PSMB2: variants seen among roughly 807,000 people sequenced by gnomAD.
PSMB2 encodes the protein proteasome subunit beta type-2.
In PSMB2, 13 loss-of-function variants were observed where a neutral mutation model predicts 25.7. The observed-to-expected ratio is 0.51, with a 90% confidence interval of 0.33 to 0.80. The LOEUF (loss-of-function observed/expected upper bound fraction) is 0.80, where lower values mean the gene tolerates loss of function less well. Ranked by LOEUF, PSMB2 falls within the 30% of genes least tolerant of loss-of-function variation. The pLI, the probability that PSMB2 is intolerant of heterozygous loss-of-function variation, is 0.02. For synonymous variants in PSMB2, 87 were observed against 96.2 expected, an observed-to-expected ratio of 0.90 and a Z score of 0.56; for missense variants, 202 against 259.0, an observed-to-expected ratio of 0.78 and a Z score of 1.51.
chr1:35,617,575 T>C (rs568847272), intron 3 of PSMB2, among the ~76,000 whole-genome samples: 25 of 152,340 alleles, frequency 1.6e-4, no homozygotes, highest in African/African-American at 6.0e-4. Context: ...AATGTTTATT[T>C]AGCATTTATT....
chr1:35,620,530 T>C (rs1650649809), intron 3 of PSMB2, among the ~76,000 whole-genome samples: 1 of 151,792 alleles, frequency 6.6e-6, no homozygotes, highest in Non-Finnish European at 1.5e-5. Flanking sequence ...AGAGACAGAG[T>C]CTCGCTCTGT....
At chr1:35,624,943 C>A (rs1282326388) in intron 3 of PSMB2, among the ~76,000 whole-genome samples, 1 of 152,038 alleles carries the variant, frequency 6.6e-6, no homozygotes, top group Non-Finnish European at 1.5e-5. Context: ...CGCCTGTAGT[C>A]CCAGCTATTC....
At chr1:35,609,474 A>G in intron 3 of PSMB2, 66 bp from the exon 4 acceptor site, 1 of 1,302,718 alleles carries the variant, frequency 7.7e-7, no homozygotes, top group African/African-American at 1.5e-5. Flanking sequence ...CCCATGGCAA[A>G]TGAGAATATT....
chr1:35,604,118 C>T (rs367796748), intron 5 of PSMB2, among the ~76,000 whole-genome samples: 2 of 151,890 alleles, frequency 1.3e-5, no homozygotes, highest in Admixed American at 6.6e-5. Flanking sequence ...TTACTCCCAA[C>T]GCTCCTGCTC....
Position 35,599,628 on chromosome 1 carries a change from T to C in PSMB2, c.*3639A>G. 1 of 984,216 alleles carries C rather than the reference T, an allele frequency of 1.0e-6. No homozygotes were observed. The highest frequency in any genetic ancestry group is 1.7e-5 in the African/African-American group (1 of 57,332). The allele number at this position is 984,216 out of a possible 1,614,324, so 61.0% of individuals were successfully genotyped here. ...GGAGAGGATTATGGAATGCCTAGCA[T>C]GTCAAATCAAAGAATTGGGCTTTAT... On this transcript the variant is annotated 3_prime_UTR_variant, in exon 6 of 6. Coordinates refer to ENST00000373237, the MANE Select transcript of PSMB2 (RefSeq NM_002794.5).
In PSMB2 at chr1:35,609,304, T is replaced by A; in HGVS notation, c.390A>T (p.Ala130=). The change falls in exon 4 of 6, where the codon GCA becomes GCT. Residue 130 remains alanine (A), a synonymous_variant. Transcript: ENST00000373237. ...TCAGGAAGGCACCATAGCCGTGGGC[T>A]GCAAAAGGGGCCTTGGCCAAGGCTG... The part of the protein sequence containing the change: ...YLAALAKAPF[A]AHGYGAFLTL... 6.2e-7 allele frequency: 1 copy of A among 1,613,458 alleles called. No homozygotes were observed. The highest frequency in any genetic ancestry group is 8.5e-7 in the Non-Finnish European group (1 of 1,179,686).
intron 1 of PSMB2, among the ~76,000 whole-genome samples, chr1:35,638,745 C>T (rs191722450): frequency 3.9e-5 from 6 of 152,256 alleles, no homozygotes; most frequent in Admixed American, 2.0e-4. Flanking sequence ...GGCATATAAG[C>T]AAACCAAAAG....
intron 5 of PSMB2, among the ~76,000 whole-genome samples, chr1:35,604,027 TAAA>T (rs113950978): frequency 1.2e-5 from 1 of 80,564 alleles, no homozygotes; most frequent in Non-Finnish European, 2.5e-5. Context: ...ATCCATCTCT[TAAA>T]AAAAAAAAAA....
chr1:35,599,542 T>C lies in PSMB2; in HGVS notation c.*3725A>G. 1 of 981,802 alleles carries C rather than the reference T, an allele frequency of 1.0e-6. No individual in the cohort carries two copies. The highest frequency in any genetic ancestry group is 1.2e-6 in the Non-Finnish European group (1 of 826,670). 60.8% of individuals were successfully genotyped at this position (981,802 alleles called of 1,614,324 possible). A position where few individuals can be genotyped will look rare whatever the true frequency, so the allele number is the denominator to read the frequency against. On this transcript the variant is annotated 3_prime_UTR_variant, in exon 6 of 6. Coordinates refer to ENST00000373237, the MANE Select transcript of PSMB2 (RefSeq NM_002794.5). Reference sequence around the variant, plus strand: ...GAGTGAATGACGAGGCCATGTAAATTTAGTTGGAACACAGGCTTTATGAGG... The same window carrying C: ...GAGTGAATGACGAGGCCATGTAAATCTAGTTGGAACACAGGCTTTATGAGG...
Position 35,603,300 on chromosome 1 carries a change from C to T in PSMB2, c.573G>A (p.Leu191=). 6.2e-7 allele frequency: 1 copy of T among 1,614,076 alleles called. No homozygotes were observed. Among genetic ancestry groups the T allele is most frequent in the Non-Finnish European group, 8.5e-7 (1 of 1,179,978 alleles). Residue 191 remains leucine, a synonymous_variant, in exon 6 of 6, where the codon CTG becomes CTA. Coordinates refer to ENST00000373237, the MANE Select transcript of PSMB2 (RefSeq NM_002794.5). ...CCTGTTTGGGGAAGGAAATGTTATC[C>T]AGGTCATGGATGCCATTTTTGTCAA... is the stretch of plus-strand genomic sequence containing the variant. ...RIIDKNGIHD[L]DNISFPKQGS
chr1:35,605,683 G>C (rs773260539), intron 4 of PSMB2, among the ~76,000 whole-genome samples: 59 of 152,172 alleles, frequency 3.9e-4, no homozygotes, highest in Admixed American at 1.2e-3. Flanking sequence ...GGAAAGAGAC[G>C]ATGGGGTCAG....
At position 35,601,974 on chromosome 1, in the gene PSMB2, A is replaced by G; in HGVS notation, c.*1293T>C. 2 of 879,998 alleles carry G rather than the reference A, an allele frequency of 2.3e-6. No individual in the cohort carries two copies. Among genetic ancestry groups the G allele is most frequent in the Non-Finnish European group, 2.7e-6 (2 of 733,984 alleles). 54.5% of individuals were successfully genotyped at this position (879,998 alleles called of 1,614,324 possible). A position where few individuals can be genotyped will look rare whatever the true frequency, so the allele number is the denominator to read the frequency against. ...ACTGTCAACAAGAATAAGCATATCT[A>G]TATGTATTGATATAAAACAATCTCT... On this transcript the variant is annotated 3_prime_UTR_variant, in exon 6 of 6. Coordinates refer to ENST00000373237, the MANE Select transcript of PSMB2 (RefSeq NM_002794.5).
At chr1:35,611,684 C>T (rs996180756) in intron 3 of PSMB2, among the ~76,000 whole-genome samples, 6 of 151,996 alleles carry the variant, frequency 3.9e-5, no homozygotes, top group South Asian at 2.1e-4. Flanking sequence ...ATTAGCCATG[C>T]GTGGTGGCAC....
intron 3 of PSMB2, among the ~76,000 whole-genome samples, chr1:35,625,721 C>T (rs1650837552): frequency 6.6e-6 from 1 of 151,450 alleles, no homozygotes; most frequent in African/African-American, 2.4e-5. Context: ...GAGATCGTGC[C>T]CCTGCACTCC....
intron 1 of PSMB2, 141 bp downstream of exon 1, chr1:35,641,198 AAAT>A: frequency 9.1e-7 from 1 of 1,095,668 alleles, no homozygotes; most frequent in South Asian, 1.7e-5. Flanking sequence ...TCGAAAAAAT[AAAT>A]AAATAAATAA....
chr1:35,631,125 G>A, intron 3 of PSMB2, 149 bp downstream of exon 3: 2 of 696,434 alleles, frequency 2.9e-6, no homozygotes, highest in Non-Finnish European at 5.0e-6. Flanking sequence ...TGTGCACAAA[G>A]ACATTGGACT....
chr1:35,603,393 G>A lies in PSMB2; in HGVS notation c.499-19C>T, dbSNP rs1377028814. ...TCTGGAGCTGCAGAGAGACATGGAG[G>A]AAATCAGTCAACAAATGATTACTAA... On this transcript the variant is annotated intron_variant, in intron 5 of 5. Coordinates refer to ENST00000373237, the MANE Select transcript of PSMB2 (RefSeq NM_002794.5). 1 of 1,613,350 alleles carries A rather than the reference G, an allele frequency of 6.2e-7. No individual in the cohort carries two copies. Among genetic ancestry groups the A allele is most frequent in the Admixed American group, 1.7e-5 (1 of 59,964 alleles).
chr1:35,605,333 A>G, intron 4 of PSMB2, 51 bp from the exon 5 acceptor site: 1 of 1,554,246 alleles, frequency 6.4e-7, no homozygotes. Flanking sequence ...ATTATATCCA[A>G]CTCTCAGAAG....
intron 1 of PSMB2, among the ~76,000 whole-genome samples, chr1:35,638,020 T>A (rs1651293647): frequency 6.6e-6 from 1 of 152,188 alleles, no homozygotes; most frequent in Admixed American, 6.5e-5. Context: ...CATTATTCAA[T>A]AAGTTCGCAT....
Sources: allele counts gnomAD v4.1 joint callset (sites outside exome capture counted in the v4.1 genomes callset), GRCh38; gene constraint gnomAD v4.1.1; transcripts MANE v1.5; gene names NCBI Gene and HGNC (gene_info 2026-07-23, HGNC 2026-07-21).